Variants in METTL2A observed in about 807,000 individuals in gnomAD.
The protein encoded by METTL2A is tRNA N(3)-cytidine methyltransferase METTL2A.
In METTL2A, 45 loss-of-function variants were observed where a neutral mutation model predicts 49.4. The ratio of observed to expected loss-of-function variants is 0.91; its 90% CI spans 0.72 to 1.17. The LOEUF is 1.17. METTL2A is among the 50% of genes most tolerant of loss of function. The pLI is 0.00. For missense variants in METTL2A, 361 were observed against 462.2 expected (o/e 0.78, Z 2.01); for synonymous variants, 118 against 167.5 (o/e 0.70, Z 2.28).
chr17:62,427,209 A>C (rs1275823102), intron 3 of METTL2A, among the ~76,000 whole-genome samples: 1 of 152,200 alleles, frequency 6.6e-6, no homozygotes, highest in Non-Finnish European at 1.5e-5. Context: ...GGAACTGGTC[A>C]GCCTTGGGAT....
chr17:62,442,816 G>C (rs2070745912), intron 6 of METTL2A, among the ~76,000 whole-genome samples: 1 of 152,122 alleles, frequency 6.6e-6, no homozygotes, highest in Non-Finnish European at 1.5e-5. Context: ...TAGTGTTAAA[G>C]GTCAAGGTAA....
intron 4 of METTL2A, among the ~76,000 whole-genome samples, chr17:62,431,708 G>T (rs1477327040): frequency 1.3e-5 from 2 of 151,590 alleles, no homozygotes; most frequent in Non-Finnish European, 1.5e-5. Flanking sequence ...TTTTTGTTTG[G>T]TTGGTTTTCG....
In METTL2A at chr17:62,450,285, A is replaced by G. The variant is rs1598039908; in HGVS notation, c.*1556A>G. The G allele has an allele frequency of 1.1e-5, 1 of 90,470 alleles. No individual in the cohort carries two copies. The highest frequency in any genetic ancestry group is 6.6e-5 in the African/African-American group (1 of 15,152). The allele number at this position is 90,470 out of a possible 1,614,324, so 5.6% of individuals were successfully genotyped here. ...TTTTTTTTTTTTTTTTTAAGGAGAC[A>G]GGGCTCTCACTTTGTTGCCCAGGCT... On this transcript the variant is annotated 3_prime_UTR_variant, in exon 9 of 9. Transcript: ENST00000311506.
chr17:62,424,884 A>G (rs2070612881), intron 2 of METTL2A, among the ~76,000 whole-genome samples: 1 of 151,748 alleles, frequency 6.6e-6, no homozygotes. Context: ...AAATATCCCT[A>G]GATAGTAAAA....
chr17:62,438,382 G>A (rs2070714982), intron 5 of METTL2A, among the ~76,000 whole-genome samples: 2 of 150,276 alleles, frequency 1.3e-5, no homozygotes, highest in African/African-American at 4.9e-5. Flanking sequence ...ACTCCAGCCT[G>A]GGCTACAAGA....
In METTL2A at chr17:62,451,769, A is replaced by G. The variant is rs2070807185; in HGVS notation, c.*3040A>G. 1.3e-5 allele frequency among the ~76,000 whole-genome samples: 2 copies of G among 152,136 alleles called. No homozygotes were observed. Among genetic ancestry groups the G allele is most frequent in the African/African-American group, 4.8e-5 (2 of 41,440 alleles). On this transcript the variant is annotated 3_prime_UTR_variant, in exon 9 of 9. Transcript: ENST00000311506. Reference sequence around the variant, plus strand: ...GCCAGGTGTGATGGCGCATGCCTGTAACCCCATCCACTTGGAAGGCTGAGG... The same window carrying G: ...GCCAGGTGTGATGGCGCATGCCTGTGACCCCATCCACTTGGAAGGCTGAGG...
rs546625806 is a variant in METTL2A at position 62,451,491 on chromosome 17, G to A, written c.*2762G>A. Among the ~76,000 whole-genome samples, 8 of 151,028 alleles carry A rather than the reference G, an allele frequency of 5.3e-5. No individual in the cohort carries two copies. Among genetic ancestry groups the A allele is most frequent in the African/African-American group, 9.7e-5 (4 of 41,250 alleles). On this transcript the variant is annotated 3_prime_UTR_variant, in exon 9 of 9. Transcript: ENST00000311506. ...AAAATGTTAAAAATAGGCCGGGTGC[G>A]GTGGCTCACACCTGTAATCCCAGCA...
chr17:62,443,883 C>T lies in METTL2A; in HGVS notation c.810-954C>T, dbSNP rs1270228946. 2.6e-5 allele frequency among the ~76,000 whole-genome samples: 4 copies of T among 152,132 alleles called. No homozygotes were observed. The East Asian group carries it at 5.8e-4, about 22-fold the overall frequency. On this transcript the variant is annotated intron_variant, in intron 6 of 8. Transcript: ENST00000311506. ...TTTTTGGTTTTTTTTAAGAGGGAAA[C>T]ATTCATTATGCAAAATTTAAATAGA...
At chr17:62,425,684 T>C (rs2070619759) in intron 2 of METTL2A, among the ~76,000 whole-genome samples, 1 of 145,546 alleles carries the variant, frequency 6.9e-6, no homozygotes, top group Non-Finnish European at 1.5e-5. Flanking sequence ...TGCACCTGGC[T>C]ACTTCTAGGA....
intron 3 of METTL2A, among the ~76,000 whole-genome samples, chr17:62,426,990 T>C (rs541974329): frequency 1.3e-5 from 2 of 152,298 alleles, no homozygotes; most frequent in East Asian, 3.9e-4. Context: ...TGGAAAAAAG[T>C]CCCAGATCAG....
chr17:62,448,568 A>T lies in METTL2A; in HGVS notation c.983-7A>T, dbSNP rs1333261025. Reference sequence around the variant, plus strand: ...AATGCATAAACATCTTTTATTTTCCACACTAGAGGAACTGGACACGCTTTT... The same window carrying T: ...AATGCATAAACATCTTTTATTTTCCTCACTAGAGGAACTGGACACGCTTTT... On this transcript the variant is annotated splice_region_variant and splice_polypyrimidine_tract_variant and intron_variant, in intron 8 of 8. Transcript: ENST00000311506. The T allele has an allele frequency of 6.2e-7, 1 of 1,612,708 alleles. No homozygotes were observed. Among genetic ancestry groups the T allele is most frequent in the Admixed American group, 1.7e-5 (1 of 59,670 alleles).
At position 62,451,458 on chromosome 17, in the gene METTL2A, C is replaced by G. The variant is rs977842673; in HGVS notation, c.*2729C>G. Among the ~76,000 whole-genome samples, 1 of 148,008 alleles carries G rather than the reference C, an allele frequency of 6.8e-6. No individual in the cohort carries two copies. On this transcript the variant is annotated 3_prime_UTR_variant, in exon 9 of 9. Transcript: ENST00000311506. ...CCACCACGCCCGGCCAAGACCCTGA[C>G]TTTTTAAAAAATGTTAAAAATAGGC...
At chr17:62,431,472 G>A (rs745908621) in intron 4 of METTL2A, among the ~76,000 whole-genome samples, 1 of 151,796 alleles carries the variant, frequency 6.6e-6, no homozygotes, top group Non-Finnish European at 1.5e-5. Flanking sequence ...TCCCACCTCA[G>A]CCTCCCAAGT....
intron 4 of METTL2A, among the ~76,000 whole-genome samples, chr17:62,429,774 GA>G (rs2070652152): frequency 6.6e-6 from 1 of 152,144 alleles, no homozygotes; most frequent in South Asian, 2.1e-4. Context: ...GGGTTCAAGC[GA>G]TTCTCCTGCC....
rs201167176 is a variant in METTL2A at position 62,444,774 on chromosome 17, C to T, written c.810-63C>T. The stretch of plus-strand genomic sequence containing the variant: ...TCCACTGGCTTTTTGGGATATGCTA[C>T]AGGGAAAGAGAACCCCGTCTTTAAG... On this transcript the variant is annotated intron_variant, in intron 6 of 8. Coordinates refer to ENST00000311506, the MANE Select transcript of METTL2A (RefSeq NM_181725.4). 2.4e-4 allele frequency: 376 copies of T among 1,553,168 alleles called. 1 individual carries two copies. The highest frequency in any genetic ancestry group is 8.3e-4 in the Admixed American group (48 of 57,908).
At chr17:62,426,006 A>C (rs2070623050) in intron 2 of METTL2A, among the ~76,000 whole-genome samples, 1 of 151,846 alleles carries the variant, frequency 6.6e-6, no homozygotes, top group Non-Finnish European at 1.5e-5. Context: ...GTCTCAAAAA[A>C]AAAAAAAAAG....
At position 62,452,560 on chromosome 17, in the gene METTL2A, G is replaced by T. The variant is rs560994570; in HGVS notation, c.*3831G>T. ...ATTGGTTGGTATTTTGTACAGAAAA[G>T]CTTTCTCATATCTGATTTACTTGTC... On this transcript the variant is annotated 3_prime_UTR_variant, in exon 9 of 9. Coordinates refer to ENST00000311506, the MANE Select transcript of METTL2A (RefSeq NM_181725.4). Among the ~76,000 whole-genome samples the T allele has an allele frequency of 8.2e-4, 125 of 152,250 alleles. No homozygotes were observed. Among genetic ancestry groups the T allele is most frequent in the African/African-American group, 3.0e-3 (123 of 41,552 alleles).
chr17:62,426,709 AT>A (rs2070630449), intron 3 of METTL2A, 55 bp downstream of exon 3: 17 of 1,039,414 alleles, frequency 1.6e-5, no homozygotes, highest in Non-Finnish European at 2.1e-5. Context: ...ATTTGTGCAC[AT>A]GAGGTAGCAT....
chr17:62,424,371 C>G, intron 2 of METTL2A, 61 bp downstream of exon 2: 2 of 1,606,158 alleles, frequency 1.2e-6, no homozygotes, highest in Non-Finnish European at 1.7e-6. Flanking sequence ...CGCGCCCTCC[C>G]GGAGAGGCCA....
Sources: gnomAD v4.1 joint callset for allele counts (sites outside exome capture counted in the v4.1 genomes callset) on GRCh38, gnomAD v4.1.1 for gene constraint, MANE v1.5 for transcripts, NCBI Gene and HGNC (gene_info 2026-07-23, HGNC 2026-07-21) for gene names.